HNRNPUL1: variants seen among roughly 807,000 people sequenced by gnomAD.
HNRNPUL1 encodes heterogeneous nuclear ribonucleoprotein U like 1.
HNRNPUL1 carries 14 observed loss-of-function variants against 108.5 expected under a neutral mutation model. The ratio of observed to expected loss-of-function variants is 0.13; its 90% confidence interval spans 0.09 to 0.20. The LOEUF (loss-of-function observed/expected upper bound fraction) is 0.20. Among genes scored for constraint, HNRNPUL1 ranks in the 10% least tolerant of loss-of-function variants. The pLI is 1.00. For synonymous variants in HNRNPUL1, 422 were observed against 445.2 expected, an observed-to-expected ratio of 0.95 and a Z score of 0.66; for missense variants, 804 against 1,168.3, an observed-to-expected ratio of 0.69 and a Z score of 4.55.
Position 41,294,657 on chromosome 19 carries a change from C to T in HNRNPUL1, c.1489C>T (p.Arg497Cys), listed in dbSNP as rs1458877974. 1.9e-6 allele frequency: 3 copies of T among 1,614,164 alleles called. No homozygotes were observed. The highest frequency in any genetic ancestry group is 1.7e-5 in the Admixed American group (1 of 60,022). ...CLNRLIQIAA[R>C]KKRNYILDQT... The stretch of plus-strand genomic sequence containing the variant: ...CAACCGCCTCATCCAGATTGCTGCC[C>T]GCAAGAAACGCAACTATATCCTAGA... Residue 497 changes from arginine (R) to cysteine (C), a missense_variant, in exon 10 of 15, where the codon CGC becomes TGC. Transcript: ENST00000392006. This position sits in a 1 kb window ranked among gnomAD's most constrained non-coding sequence, Gnocchi z 4.3.
At position 41,294,483 on chromosome 19, in the gene HNRNPUL1, C is replaced by T. The variant is rs540785702; in HGVS notation, c.1389+23C>T. Reference sequence around the variant, plus strand: ...CGGGTAAGGCCAGCCACTGGACTCTCCTTACTCACCTCCAACCTACTGAGT... The same window carrying T: ...CGGGTAAGGCCAGCCACTGGACTCTTCTTACTCACCTCCAACCTACTGAGT... On this transcript the variant is annotated intron_variant, in intron 9 of 14. Transcript: ENST00000392006. The surrounding 1 kb of genome is among the most constrained non-coding windows in gnomAD (Gnocchi z 4.3). The T allele has an allele frequency of 4.3e-6, 7 of 1,614,096 alleles. No individual in the cohort carries two copies. The highest frequency in any genetic ancestry group is 4.0e-5 in the African/African-American group (3 of 75,048).
intron 4 of HNRNPUL1, among the ~76,000 whole-genome samples, chr19:41,275,106 A>C (rs1471323634): frequency 2.6e-5 from 4 of 152,132 alleles, no homozygotes; most frequent in Non-Finnish European, 5.9e-5. Context: ...TAGGCCCATG[A>C]AAGGAATTAG....
rs927738774 is a variant in HNRNPUL1, at chr19:41,306,634, C to T, written c.*69C>T. ...CCACCAGCGCCTGCCTCGGCCCCTC[C>T]TCTGCCCCCGCCAGATCCCGTGGTG... On this transcript the variant is annotated 3_prime_UTR_variant, in exon 15 of 15. Transcript: ENST00000392006. The T allele has an allele frequency of 2.2e-5, 22 of 990,890 alleles. No individual in the cohort carries two copies. Among genetic ancestry groups the T allele is most frequent in the Non-Finnish European group, 2.9e-5 (20 of 692,568 alleles). The allele number at this position is 990,890 out of a possible 1,614,324, so 61.4% of individuals were successfully genotyped here. A position where few individuals can be genotyped will look rare whatever the true frequency, so the allele number is the denominator to read the frequency against.
At chr19:41,280,371 G>C (rs2035831556) in intron 6 of HNRNPUL1, among the ~76,000 whole-genome samples, 1 of 151,658 alleles carries the variant, frequency 6.6e-6, no homozygotes, top group South Asian at 2.1e-4. Flanking sequence ...TCCTCAAAAA[G>C]GTAGATATGT....
chr19:41,268,921 T>G (rs17251791), intron 2 of HNRNPUL1, among the ~76,000 whole-genome samples: 9,770 of 152,158 alleles, frequency 0.064, 397 homozygotes, highest in South Asian at 0.2. Context: ...AGACTAATAC[T>G]TGAATCTTAT....
chr19:41,271,018 GC>G (rs1314196041), intron 2 of HNRNPUL1, among the ~76,000 whole-genome samples: 1 of 152,158 alleles, frequency 6.6e-6, no homozygotes, highest in African/African-American at 2.4e-5. Context: ...TATCATTTGT[GC>G]CTTACTATTT....
intron 1 of HNRNPUL1, among the ~76,000 whole-genome samples, chr19:41,266,871 A>G (rs934874543): frequency 9.9e-5 from 15 of 152,086 alleles, no homozygotes; most frequent in Non-Finnish European, 1.9e-4. Context: ...TGGAAAGAGG[A>G]CTTCCCATTG....
At chr19:41,283,546 C>A (rs953844822) in intron 7 of HNRNPUL1, among the ~76,000 whole-genome samples, 3 of 152,188 alleles carry the variant, frequency 2.0e-5, no homozygotes, top group Non-Finnish European at 4.4e-5. Context: ...ACCTCCGCTT[C>A]CTGGGTTCAA....
In HNRNPUL1 at chr19:41,264,636, G is replaced by A; in HGVS notation, c.133G>A (p.Glu45Lys). 6.3e-7 allele frequency: 1 copy of A among 1,585,268 alleles called. No homozygotes were observed. The highest frequency in any genetic ancestry group is 1.1e-5 in the South Asian group (1 of 89,324). ...GTTGGAGGCCGAGGAGCCTGACGAC[G>A]AGCGGGAGCTCGACGCCGACGACGA... ...AALEAEEPDD[E>K]RELDADDEPG... The change falls in exon 1 of 15, where the codon GAG becomes AAG. Residue 45 changes from glutamate (E) to lysine (K), a missense_variant. This residue lies in a region of HNRNPUL1 where 256 missense variants were observed against 261.6 expected (regional missense o/e 0.98). Transcript: ENST00000392006.
chr19:41,301,169 G>C (rs1374132082), intron 10 of HNRNPUL1, among the ~76,000 whole-genome samples: 2 of 152,148 alleles, frequency 1.3e-5, no homozygotes, highest in Non-Finnish European at 1.5e-5. Context: ...AGGGAACACA[G>C]GGGTTTTTCC....
In HNRNPUL1 at chr19:41,264,583, C is replaced by T. The variant is rs748595975; in HGVS notation, c.80C>T (p.Ala27Val). ...GGCCTGGACACTCGAGGCCTCAAGGCCGAGCTTGCTGAGCGGCTGCAGGCG... is the reference window on the plus strand; with the variant it reads ...GGCCTGGACACTCGAGGCCTCAAGGTCGAGCTTGCTGAGCGGCTGCAGGCG... ...RRGLDTRGLK[A>V]ELAERLQAAL... is the part of the protein sequence containing the mutation. The change falls in exon 1 of 15, where the codon GCC becomes GTC. Residue 27 changes from alanine (A) to valine (V), a missense_variant. This residue lies in a region of HNRNPUL1 where 256 missense variants were observed against 261.6 expected (regional missense o/e 0.98). Transcript: ENST00000392006. 5 of 1,570,488 alleles carry T rather than the reference C, an allele frequency of 3.2e-6. No homozygotes were observed. The highest frequency in any genetic ancestry group is 4.3e-6 in the Non-Finnish European group (5 of 1,166,164).
At chr19:41,284,735 C>T (rs985178774) in intron 7 of HNRNPUL1, among the ~76,000 whole-genome samples, 1 of 152,072 alleles carries the variant, frequency 6.6e-6, no homozygotes, top group Admixed American at 6.6e-5. Context: ...CGGTGGCTCA[C>T]GCCTGTAATC....
chr19:41,273,083 G>A (rs191048398), intron 3 of HNRNPUL1, among the ~76,000 whole-genome samples: 2 of 152,086 alleles, frequency 1.3e-5, no homozygotes, highest in African/African-American at 4.8e-5. Context: ...CCTCATATGG[G>A]GTTCTTCCAC....
chr19:41,280,977 CCTCCAAGTT>C (rs1266754978), intron 6 of HNRNPUL1, 177 bp from the exon 7 acceptor site: 2 of 549,452 alleles, frequency 3.6e-6, no homozygotes, highest in African/African-American at 3.8e-5. Flanking sequence ...CCCATCAAGC[CCTCCAAGTT>C]CTACATCATT....
intron 12 of HNRNPUL1, among the ~76,000 whole-genome samples, chr19:41,303,422 C>T (rs2037357881): frequency 1.4e-5 from 2 of 146,340 alleles, no homozygotes; most frequent in Admixed American, 7.0e-5. Context: ...GGTGTAATCT[C>T]GGCTCACTGC....
chr19:41,269,063 T>C (rs1261985152), intron 2 of HNRNPUL1, among the ~76,000 whole-genome samples: 8 of 151,954 alleles, frequency 5.3e-5, no homozygotes, highest in Non-Finnish European at 1.2e-4. Flanking sequence ...GCCAAATGTG[T>C]CTGGAAACTG....
intron 2 of HNRNPUL1, among the ~76,000 whole-genome samples, chr19:41,269,004 T>C (rs183123368): frequency 6.6e-6 from 1 of 152,222 alleles, no homozygotes; most frequent in African/African-American, 2.4e-5. Context: ...TTCTGAAGAT[T>C]ATTGTTTCAG....
rs57909999 is a variant in HNRNPUL1, at chr19:41,282,692, CTTTTTTTT to C, written c.999+1425_999+1432del. ...TATGTGCATATTTTTTTCTTTTTTTCTTTTTTTTTTTTTTTGAGACGGAGTCTCGCTCT... is the reference window on the plus strand; with the variant it reads ...TATGTGCATATTTTTTTCTTTTTTTCTTTTTTTGAGACGGAGTCTCGCTCT... On this transcript the variant is annotated intron_variant, in intron 7 of 14. Transcript: ENST00000392006. Among the ~76,000 whole-genome samples the C allele has an allele frequency of 2.8e-5, 4 of 141,448 alleles. No individual in the cohort carries two copies. In the East Asian group the frequency reaches 8.1e-4, roughly 29 times the overall value. 92.8% of individuals were successfully genotyped at this position (141,448 alleles called of 152,430 possible).
At chr19:41,271,241 T>G (rs2035219377) in intron 2 of HNRNPUL1, among the ~76,000 whole-genome samples, 1 of 152,178 alleles carries the variant, frequency 6.6e-6, no homozygotes, top group Non-Finnish European at 1.5e-5. Context: ...AAACCGCAGA[T>G]TTGTGTCAGG....
Sources: allele counts gnomAD v4.1 joint callset (sites outside exome capture counted in the v4.1 genomes callset), GRCh38; gene constraint gnomAD v4.1.1; regional missense constraint gnomAD v4.1.1; non-coding constraint Gnocchi (gnomAD v3.1); transcripts MANE v1.5; gene names NCBI Gene and HGNC (gene_info 2026-07-23, HGNC 2026-07-21).